RBFOX1: variants seen among roughly 807,000 people sequenced by gnomAD.
RBFOX1 encodes RNA binding protein fox-1 homolog 1.
RBFOX1 carries 8 observed loss-of-function variants against 57.7 expected under a neutral mutation model. The ratio of observed to expected loss-of-function variants is 0.14; its 90% CI spans 0.08 to 0.25. The LOEUF (loss-of-function observed/expected upper bound fraction) is 0.25, where lower values mean the gene tolerates loss of function less well. RBFOX1 is among the 10% of genes least tolerant of loss of function. The pLI is 1.00. For synonymous variants in RBFOX1, 326 were observed against 222.4 expected, an observed-to-expected ratio of 1.47 and a Z score of -4.15; for missense variants, 611 against 548.5, an observed-to-expected ratio of 1.11 and a Z score of -1.14.
intron 4 of RBFOX1, among the ~76,000 whole-genome samples, chr16:5,933,369 T>C (rs1470882975): frequency 1.3e-5 from 2 of 151,814 alleles, no homozygotes; most frequent in South Asian, 2.1e-4. Context: ...AGTGGGGGAG[T>C]GTTCGTGTGT....
chr16:7,111,914 A>C (rs2064856735), intron 4 of RBFOX1, among the ~76,000 whole-genome samples: 1 of 152,146 alleles, frequency 6.6e-6, no homozygotes, highest in Non-Finnish European at 1.5e-5. Flanking sequence ...CATGTTCTTC[A>C]AGTGGTCTCA....
chr16:6,473,339 G>A lies in RBFOX1; in HGVS notation c.-64+156282G>A, dbSNP rs188334716. Among the ~76,000 whole-genome samples the A allele has an allele frequency of 2.2e-4, 34 of 152,162 alleles. 1 individual carries two copies. In the East Asian group the frequency reaches 5.2e-3, roughly 23 times the overall value. ...GCAAGTGCTCAATTAATCCTTGAACGAAACAAAAGAAAGGAGTCAGTTCAT... is the reference window on the plus strand; with the variant it reads ...GCAAGTGCTCAATTAATCCTTGAACAAAACAAAAGAAAGGAGTCAGTTCAT... On this transcript the variant is annotated intron_variant, in intron 2 of 15. Coordinates refer to ENST00000550418, the MANE Select transcript of RBFOX1 (RefSeq NM_018723.4).
intron 4 of RBFOX1, among the ~76,000 whole-genome samples, chr16:5,939,747 C>T (rs1448940800): frequency 6.6e-6 from 1 of 152,146 alleles, no homozygotes; most frequent in African/African-American, 2.4e-5. Flanking sequence ...CTAAAACCAC[C>T]ATACCAGCTG....
intron 3 of RBFOX1, among the ~76,000 whole-genome samples, chr16:6,878,679 A>G (rs2062311166): frequency 6.6e-6 from 1 of 152,210 alleles, no homozygotes; most frequent in South Asian, 2.1e-4. Context: ...AAGGTAACTC[A>G]ACAGCAAGAA....
At chr16:6,878,112 C>G (rs1455863280) in intron 3 of RBFOX1, among the ~76,000 whole-genome samples, 1 of 151,960 alleles carries the variant, frequency 6.6e-6, no homozygotes. Flanking sequence ...GGCGTGTATG[C>G]AAGGACTTCT....
At chr16:6,016,404 A>G (rs1174022777), upstream of RBFOX1, among the ~76,000 whole-genome samples, 1 of 152,202 alleles carries the variant, frequency 6.6e-6, no homozygotes, top group Admixed American at 6.5e-5. Context: ...AAAAGATTGG[A>G]TACAACAAGA....
At chr16:6,864,995 C>CTTTTTTT (rs34341448) in intron 3 of RBFOX1, among the ~76,000 whole-genome samples, 555 of 82,406 alleles carry the variant, frequency 6.7e-3, no homozygotes, top group Non-Finnish European at 8.8e-3. Context: ...TTTTCTTTTT[C>CTTTTTTT]TTTTTTTTTT....
At chr16:7,094,777 G>GTGTGTGTGTGTGT (rs1567232668) in intron 4 of RBFOX1, among the ~76,000 whole-genome samples, 103 of 53,610 alleles carry the variant, frequency 1.9e-3, no homozygotes, top group Middle Eastern at 0.01. Context: ...TGTGTGTGTG[G>GTGTGTGTGTGTGT]GTGTGTGTGT....
At chr16:6,816,225 C>T (rs2090035085) in intron 3 of RBFOX1, among the ~76,000 whole-genome samples, 1 of 152,098 alleles carries the variant, frequency 6.6e-6, no homozygotes, top group Non-Finnish European at 1.5e-5. Context: ...GTGAGGATTG[C>T]TTCAGTACTG....
chr16:5,782,083 T>A (rs1384053611), intron 3 of RBFOX1, among the ~76,000 whole-genome samples: 1 of 152,234 alleles, frequency 6.6e-6, no homozygotes, highest in Non-Finnish European at 1.5e-5. Context: ...TGGTGGCACA[T>A]GCCTGTAGTC....
intron 3 of RBFOX1, among the ~76,000 whole-genome samples, chr16:5,672,521 G>A (rs1470300097): frequency 6.6e-6 from 1 of 152,126 alleles, no homozygotes; most frequent in Non-Finnish European, 1.5e-5. Context: ...ACCCTAGCAA[G>A]GACCCAACTG....
rs1397415082 is a variant in RBFOX1 at position 6,019,100 on chromosome 16, C to G, written c.-1019C>G. ...ACACACACACAGACACACACGCACA[C>G]ACACACATGCACACATTTTCTCGCG... On this transcript the variant is annotated 5_prime_UTR_variant, in exon 1 of 16. Coordinates refer to ENST00000550418, the MANE Select transcript of RBFOX1 (RefSeq NM_018723.4). The surrounding 1 kb of genome is among the most constrained non-coding windows in gnomAD (Gnocchi z 4.2). The G allele has an allele frequency of 1.0e-6, 1 of 984,858 alleles. No homozygotes were observed. Among genetic ancestry groups the G allele is most frequent in the African/African-American group, 1.8e-5 (1 of 57,114 alleles). The allele number at this position is 984,858 out of a possible 1,614,324, so 61.0% of individuals were successfully genotyped here. A position where few individuals can be genotyped will look rare whatever the true frequency, so the allele number is the denominator to read the frequency against.
chr16:6,696,160 G>A (rs575717597), intron 3 of RBFOX1, among the ~76,000 whole-genome samples: 2 of 152,136 alleles, frequency 1.3e-5, no homozygotes, highest in East Asian at 1.9e-4. Context: ...GTAGAATGAG[G>A]AATTATTTCA....
At chr16:7,671,678 C>T (rs913940598) in intron 13 of RBFOX1, 1 of 1,303,474 alleles carries the variant, frequency 7.7e-7, no homozygotes, top group African/African-American at 1.5e-5. Context: ...CAAGATAATT[C>T]TGGGGAGGGG....
chr16:7,640,071 C>A (rs1375845924), intron 11 of RBFOX1, among the ~76,000 whole-genome samples: 2 of 152,182 alleles, frequency 1.3e-5, no homozygotes, highest in African/African-American at 4.8e-5. Context: ...TTTACTAGCT[C>A]TGATATTAAC....
chr16:7,036,485 C>T (rs953433956), intron 3 of RBFOX1, among the ~76,000 whole-genome samples: 3 of 151,706 alleles, frequency 2.0e-5, no homozygotes, highest in African/African-American at 4.8e-5. Context: ...CTGAGGCAGG[C>T]GGATTACAAG....
intron 3 of RBFOX1, among the ~76,000 whole-genome samples, chr16:5,737,312 G>A (rs1040198198): frequency 2.6e-5 from 4 of 151,814 alleles, no homozygotes; most frequent in African/African-American, 7.3e-5. Flanking sequence ...GGTAAAACTC[G>A]GTCTCTCCTA....
At chr16:6,051,199 A>G (rs2095548548) in intron 1 of RBFOX1, among the ~76,000 whole-genome samples, 1 of 151,726 alleles carries the variant, frequency 6.6e-6, no homozygotes, top group Non-Finnish European at 1.5e-5. Context: ...TGGGTACTAG[A>G]GGTGTCCCAT....
At chr16:5,529,568 T>C (rs2151030350) in intron 2 of RBFOX1, among the ~76,000 whole-genome samples, 1 of 78,498 alleles carries the variant, frequency 1.3e-5, no homozygotes, top group East Asian at 7.1e-4. Flanking sequence ...GGCTCATTTA[T>C]GTATTTTTTT....
Sources: allele counts gnomAD v4.1 joint callset (sites outside exome capture counted in the v4.1 genomes callset), GRCh38; gene constraint gnomAD v4.1.1; non-coding constraint Gnocchi (gnomAD v3.1); transcripts MANE v1.5; gene names NCBI Gene and HGNC (gene_info 2026-07-23, HGNC 2026-07-21).